PPM1A: variants seen among roughly 807,000 people sequenced by gnomAD.
PPM1A encodes protein phosphatase, Mg2+/Mn2+ dependent 1A, also known as protein phosphatase 1A.
In PPM1A, 7 loss-of-function variants were observed where a neutral mutation model predicts 35.0. The observed-to-expected ratio is 0.20, with a 90% CI of 0.11 to 0.38. The LOEUF (loss-of-function observed/expected upper bound fraction) is 0.38. PPM1A is among the 10% of genes least tolerant of loss of function. The pLI is 1.00. For missense variants in PPM1A, 239 were observed against 467.8 expected (o/e 0.51, Z 4.51); for synonymous variants, 153 against 167.3 (o/e 0.91, Z 0.66).
intron 1 of PPM1A, chr14:60,250,441 A>T (rs1158502185): frequency 1.0e-6 from 1 of 984,758 alleles, no homozygotes; most frequent in Non-Finnish European, 1.2e-6. Context: ...CCTTCTACCA[A>T]CTGCAGTTTT....
intron 2 of PPM1A, among the ~76,000 whole-genome samples, chr14:60,284,693 A>ATGTGTG (rs1278437346): frequency 3.3e-5 from 4 of 122,958 alleles, no homozygotes; most frequent in African/African-American, 1.8e-4. Flanking sequence ...GTATATATAT[A>ATGTGTG]TATATGTGTG....
chr14:60,249,368 G>A lies in PPM1A; in HGVS notation c.-330G>A. 1 of 454,664 alleles carries A rather than the reference G, an allele frequency of 2.2e-6. No individual in the cohort carries two copies. Among genetic ancestry groups the A allele is most frequent in the Non-Finnish European group, 2.9e-6 (1 of 348,206 alleles). 28.2% of individuals were successfully genotyped at this position (454,664 alleles called of 1,614,324 possible). A position where few individuals can be genotyped will look rare whatever the true frequency, so the allele number is the denominator to read the frequency against. On this transcript the variant is annotated 5_prime_UTR_variant, in exon 1 of 6. Transcript: ENST00000395076. This position sits in a 1 kb window ranked among gnomAD's most constrained non-coding sequence, Gnocchi z 4.5. ...ACGGGTGGTTGGGGAGGGGGGGGTGGGGGGACTCTAGACAGCTGAGGCGCG... is the reference window on the plus strand; with the variant it reads ...ACGGGTGGTTGGGGAGGGGGGGGTGAGGGGACTCTAGACAGCTGAGGCGCG...
intron 1 of PPM1A, among the ~76,000 whole-genome samples, chr14:60,257,694 T>C (rs990717331): frequency 6.6e-6 from 1 of 152,236 alleles, no homozygotes; most frequent in African/African-American, 2.4e-5. Flanking sequence ...TTTTTCTTTA[T>C]CATGACTAGT....
At chr14:60,248,277 A>G (rs1303932808), upstream of PPM1A, among the ~76,000 whole-genome samples, 3 of 152,206 alleles carry the variant, frequency 2.0e-5, no homozygotes, top group Admixed American at 2.0e-4. Context: ...AGCAGCTGTT[A>G]TGTTTCTGAT....
chr14:60,254,806 T>G (rs956225382), intron 1 of PPM1A, among the ~76,000 whole-genome samples: 1 of 152,230 alleles, frequency 6.6e-6, no homozygotes, highest in Admixed American at 6.5e-5. Flanking sequence ...TTTTTCATTA[T>G]ATCATTTCTC....
In PPM1A at chr14:60,249,617, C is replaced by T. The variant is rs1338200867; in HGVS notation, c.-81C>T. 3.5e-5 allele frequency: 35 copies of T among 987,326 alleles called. No homozygotes were observed. The highest frequency in any genetic ancestry group is 4.0e-5 in the Non-Finnish European group (33 of 831,822). 61.2% of individuals were successfully genotyped at this position (987,326 alleles called of 1,614,324 possible). A position where few individuals can be genotyped will look rare whatever the true frequency, so the allele number is the denominator to read the frequency against. On this transcript the variant is annotated 5_prime_UTR_variant, in exon 1 of 6. Transcript: ENST00000395076. This position sits in a 1 kb window ranked among gnomAD's most constrained non-coding sequence, Gnocchi z 4.5. ...CCGTCGCCGCCGCGGTGACCCCCTC[C>T]CCGGCTGCCGCCGCCGCCGCCTCGG...
At chr14:60,253,200 T>C (rs1017229124) in intron 1 of PPM1A, among the ~76,000 whole-genome samples, 1 of 152,146 alleles carries the variant, frequency 6.6e-6, no homozygotes, top group African/African-American at 2.4e-5. Flanking sequence ...GTATGTAGTA[T>C]CCATATTTAA....
chr14:60,259,381 T>A (rs73315771), intron 1 of PPM1A, among the ~76,000 whole-genome samples: 102 of 152,240 alleles, frequency 6.7e-4, no homozygotes, highest in African/African-American at 2.4e-3. Flanking sequence ...TACAAGGTTA[T>A]CAGCAAACAT....
At chr14:60,261,933 C>T (rs1883787892) in intron 1 of PPM1A, among the ~76,000 whole-genome samples, 1 of 152,174 alleles carries the variant, frequency 6.6e-6, no homozygotes, top group Non-Finnish European at 1.5e-5. Flanking sequence ...GGAATACACA[C>T]TGTTAGACTG....
chr14:60,288,352 G>C (rs1385527006), intron 3 of PPM1A: 2 of 974,064 alleles, frequency 2.1e-6, no homozygotes, highest in Non-Finnish European at 2.4e-6. Flanking sequence ...TATTTCTATT[G>C]TATCTAGTTA....
rs1208718475 is a variant in PPM1A at position 60,294,327 on chromosome 14, C to T, written c.*1845C>T. The T allele has an allele frequency of 6.6e-6, 1 of 151,720 alleles. No individual in the cohort carries two copies. Among genetic ancestry groups the T allele is most frequent in the East Asian group, 1.9e-4 (1 of 5,186 alleles). 9.4% of individuals were successfully genotyped at this position (151,720 alleles called of 1,614,324 possible). On this transcript the variant is annotated 3_prime_UTR_variant, in exon 6 of 6. Coordinates refer to ENST00000395076, the MANE Select transcript of PPM1A (RefSeq NM_021003.5). ...TTATTCCAGCATGAATGAGGAAAAA[C>T]TGAAGTACTATTTATATTTAGAAAT...
chr14:60,257,426 G>A (rs1883260920), intron 1 of PPM1A, among the ~76,000 whole-genome samples: 1 of 152,140 alleles, frequency 6.6e-6, no homozygotes, highest in Non-Finnish European at 1.5e-5. Flanking sequence ...AAAATTGAAT[G>A]TGAGCTGGAA....
upstream of PPM1A, chr14:60,245,900 T>C (rs1156445976): frequency 6.3e-7 from 1 of 1,589,080 alleles, no homozygotes. This position sits in a 1 kb window ranked among gnomAD's most constrained non-coding sequence, Gnocchi z 4.2. Context: ...TGTACTAAGC[T>C]AATGAAAAGA....
chr14:60,280,024 C>T (rs979462418), intron 1 of PPM1A, among the ~76,000 whole-genome samples: 9 of 151,380 alleles, frequency 5.9e-5, no homozygotes, highest in Admixed American at 2.0e-4. Flanking sequence ...TTTTTTGAGA[C>T]GGAGTCTCGC....
Position 60,294,020 on chromosome 14 carries a change from A to G in PPM1A, c.*1538A>G, listed in dbSNP as rs930000107. The G allele has an allele frequency of 6.6e-5, 10 of 151,914 alleles. No individual in the cohort carries two copies. The highest frequency in any genetic ancestry group is 2.1e-4 in the South Asian group (1 of 4,828). The allele number at this position is 151,914 out of a possible 1,614,324, so 9.4% of individuals were successfully genotyped here. The stretch of plus-strand genomic sequence containing the variant: ...TTCAGTAGGCAGATTCCCACTAGAA[A>G]ACTGTTGAAATGTAAGACTAAAATA... On this transcript the variant is annotated 3_prime_UTR_variant, in exon 6 of 6. Coordinates refer to ENST00000395076, the MANE Select transcript of PPM1A (RefSeq NM_021003.5).
intron 1 of PPM1A, among the ~76,000 whole-genome samples, chr14:60,266,041 TA>T (rs758254756): frequency 4.9e-4 from 75 of 152,344 alleles, no homozygotes; most frequent in Middle Eastern, 6.8e-3. Context: ...ATGAGAGGTA[TA>T]TTTTTTTATT....
Position 60,294,391 on chromosome 14 carries a change from C to T in PPM1A, c.*1909C>T, listed in dbSNP as rs891376614. On this transcript the variant is annotated 3_prime_UTR_variant, in exon 6 of 6. Coordinates refer to ENST00000395076, the MANE Select transcript of PPM1A (RefSeq NM_021003.5). Reference sequence around the variant, plus strand: ...AATTACAGAACCAATTCCATACTTACAATAAATACTTAATGTCTAAATCTG... The same window carrying T: ...AATTACAGAACCAATTCCATACTTATAATAAATACTTAATGTCTAAATCTG... 4 of 151,798 alleles carry T rather than the reference C, an allele frequency of 2.6e-5. No homozygotes were observed. Among genetic ancestry groups the T allele is most frequent in the African/African-American group, 9.7e-5 (4 of 41,380 alleles). The allele number at this position is 151,798 out of a possible 1,614,324, so 9.4% of individuals were successfully genotyped here.
chr14:60,285,918 C>CT, intron 3 of PPM1A, 177 bp downstream of exon 3: 1 of 1,315,404 alleles, frequency 7.6e-7, no homozygotes. Context: ...TGTCCTATCA[C>CT]AGTTATATTA....
chr14:60,255,225 G>A (rs377030948), intron 1 of PPM1A, among the ~76,000 whole-genome samples: 2 of 141,722 alleles, frequency 1.4e-5, no homozygotes, highest in African/African-American at 5.7e-5. Context: ...AGGCTGGAGT[G>A]CAGTGGCGCG....
Sources: gnomAD v4.1 joint callset for allele counts (sites outside exome capture counted in the v4.1 genomes callset) on GRCh38, gnomAD v4.1.1 for gene constraint, Gnocchi (gnomAD v3.1) non-coding constraint, MANE v1.5 for transcripts, NCBI Gene and HGNC (gene_info 2026-07-23, HGNC 2026-07-21) for gene names.